The following USP8 variants were observed in gnomAD, a reference collection of about 807,000 sequenced individuals.
USP8 encodes the protein ubiquitin carboxyl-terminal hydrolase 8.
In USP8, 27 loss-of-function variants were observed where a neutral mutation model predicts 130.0. The observed-to-expected ratio is 0.21, with a 90% CI of 0.15 to 0.29. The LOEUF (loss-of-function observed/expected upper bound fraction) is 0.29. Ranked by LOEUF, USP8 falls within the 10% of genes least tolerant of loss-of-function variation. USP8 has a pLI of 1.00. For synonymous variants in USP8, 392 were observed against 444.1 expected (o/e 0.88, Z 1.48); for missense variants, 1,029 against 1,312.2 (o/e 0.78, Z 3.33).
chr15:50,502,761 T>C lies in USP8; in HGVS notation c.*3673T>C, dbSNP rs1292955662. 1.3e-5 allele frequency: 2 copies of C among 152,258 alleles called. No homozygotes were observed. Among genetic ancestry groups the C allele is most frequent in the Non-Finnish European group, 2.9e-5 (2 of 68,132 alleles). The allele number at this position is 152,258 out of a possible 1,614,324, so 9.4% of individuals were successfully genotyped here. A position where few individuals can be genotyped will look rare whatever the true frequency, so the allele number is the denominator to read the frequency against. ...AGTCCTCTCACTTCAGGCCCCCAAATAGCTGGGACTACAGGCATACACCAC... is the reference window on the plus strand; with the variant it reads ...AGTCCTCTCACTTCAGGCCCCCAAACAGCTGGGACTACAGGCATACACCAC... On this transcript the variant is annotated 3_prime_UTR_variant, in exon 20 of 20. Coordinates refer to ENST00000307179, the MANE Select transcript of USP8 (RefSeq NM_005154.5).
intron 16 of USP8, among the ~76,000 whole-genome samples, chr15:50,494,859 A>T (rs1031962958): frequency 6.6e-6 from 1 of 152,150 alleles, no homozygotes; most frequent in African/African-American, 2.4e-5. Flanking sequence ...TACTAAAAAT[A>T]CAAAAATTGG....
Position 50,509,669 on chromosome 15 carries a change from T to A in USP8, c.*10581T>A, listed in dbSNP as rs1388132829. 1 of 151,230 alleles carries A rather than the reference T, an allele frequency of 6.6e-6. No homozygotes were observed. The highest frequency in any genetic ancestry group is 1.9e-4 in the East Asian group (1 of 5,170). 9.4% of individuals were successfully genotyped at this position (151,230 alleles called of 1,614,324 possible). A position where few individuals can be genotyped will look rare whatever the true frequency, so the allele number is the denominator to read the frequency against. On this transcript the variant is annotated 3_prime_UTR_variant, in exon 20 of 20. Coordinates refer to ENST00000307179, the MANE Select transcript of USP8 (RefSeq NM_005154.5). ...TCTCAAAAAATAAAATAAAATAAAA[T>A]AAAATAAAAAAGAGACAAGTCAACG...
intron 15 of USP8, 170 bp downstream of exon 15, chr15:50,493,083 C>T (rs781719602): frequency 1.3e-5 from 10 of 754,226 alleles, no homozygotes; most frequent in Non-Finnish European, 1.8e-5. Flanking sequence ...AGGCCATCGT[C>T]TAGGTGCCGG....
chr15:50,511,704 T>A lies in USP8; in HGVS notation c.*12616T>A, dbSNP rs969973964. 6.6e-6 allele frequency: 1 copy of A among 152,234 alleles called. No individual in the cohort carries two copies. Among genetic ancestry groups the A allele is most frequent in the African/African-American group, 2.4e-5 (1 of 41,464 alleles). The allele number at this position is 152,234 out of a possible 1,614,324, so 9.4% of individuals were successfully genotyped here. ...TATTCTATGATTCTGTTTATTAAAA[T>A]ACCCAGAATAGGCCAGGCACTGTGG... On this transcript the variant is annotated 3_prime_UTR_variant, in exon 20 of 20. Transcript: ENST00000307179.
At chr15:50,426,049 A>G (rs994279750) in intron 1 of USP8, among the ~76,000 whole-genome samples, 2 of 152,206 alleles carry the variant, frequency 1.3e-5, no homozygotes, top group Non-Finnish European at 2.9e-5. Flanking sequence ...TGAACCTGGA[A>G]AGCGAAGGTT....
intron 8 of USP8, among the ~76,000 whole-genome samples, chr15:50,476,553 A>G (rs2051573699): frequency 6.6e-6 from 1 of 152,234 alleles, no homozygotes; most frequent in African/African-American, 2.4e-5. Context: ...TATAAGAGTA[A>G]ACTCCAGAAT....
intron 10 of USP8, 24 bp from the exon 11 acceptor site, chr15:50,481,457 T>C: frequency 6.8e-7 from 1 of 1,476,536 alleles, no homozygotes; most frequent in Admixed American, 2.6e-5. Flanking sequence ...ACAAAAATGT[T>C]TTGCTCTGGT....
chr15:50,512,220 C>G lies in USP8; in HGVS notation c.*13132C>G, dbSNP rs1214043867. On this transcript the variant is annotated 3_prime_UTR_variant, in exon 20 of 20. Coordinates refer to ENST00000307179, the MANE Select transcript of USP8 (RefSeq NM_005154.5). Reference sequence around the variant, plus strand: ...AAATACACCTGTAGTCCCAGCTACTCGGGAGGCTGAGTTACGAGAATCCCT... The same window carrying G: ...AAATACACCTGTAGTCCCAGCTACTGGGGAGGCTGAGTTACGAGAATCCCT... 1.3e-5 allele frequency: 2 copies of G among 151,014 alleles called. No homozygotes were observed. Among genetic ancestry groups the G allele is most frequent in the Admixed American group, 1.3e-4 (2 of 15,100 alleles). The allele number at this position is 151,014 out of a possible 1,614,324, so 9.4% of individuals were successfully genotyped here.
rs1018147827 is a variant in USP8, at chr15:50,461,847, G to T, written c.499-433G>T. On this transcript the variant is annotated intron_variant, in intron 5 of 19. Coordinates refer to ENST00000307179, the MANE Select transcript of USP8 (RefSeq NM_005154.5). ...CAGCCTGGCCACGGAGCAAGACTCC[G>T]TCTCAAAAAAAAAAAAAAAATGTAA... Among the ~76,000 whole-genome samples the T allele has an allele frequency of 3.1e-4, 40 of 130,974 alleles. 1 individual carries two copies. Among genetic ancestry groups the T allele is most frequent in the Non-Finnish European group, 5.6e-4 (35 of 62,622 alleles). The allele number at this position is 130,974 out of a possible 152,430, so 85.9% of individuals were successfully genotyped here.
In USP8 at chr15:50,496,053, C is replaced by A; in HGVS notation, c.2864C>A (p.Pro955Gln). The A allele has an allele frequency of 6.2e-7, 1 of 1,612,976 alleles. No individual in the cohort carries two copies. Residue 955 changes from proline (P) to glutamine (Q), a missense_variant, in exon 17 of 20, where the codon CCA (proline) becomes CAA (glutamine). By Grantham distance (76) the Pro-to-Gln change is moderately conservative (BLOSUM62 -1). Around this residue, in one of 4 missense-constraint regions of USP8, gnomAD observed 257 missense variants for 429.8 expected, o/e 0.60. Coordinates refer to ENST00000307179, the MANE Select transcript of USP8 (RefSeq NM_005154.5). ...TFEAFMYLSLPLASTSKCTLQ... is the reference protein window; with the variant it reads ...TFEAFMYLSLQLASTSKCTLQ... ...GAGGCCTTCATGTATTTGTCTCTAC[C>A]ACTAGCATCCACAAGTAAATGTACA...
Position 50,500,165 on chromosome 15 carries a change from G to C in USP8, c.*1077G>C, listed in dbSNP as rs889218198. On this transcript the variant is annotated 3_prime_UTR_variant, in exon 20 of 20. Transcript: ENST00000307179. ...CTCTCAGGGAGAAGATGAAAGGATG[G>C]GGTTCAAATTGTGAAGCTGACAACT... 6.6e-6 allele frequency: 1 copy of C among 152,098 alleles called. No homozygotes were observed. The highest frequency in any genetic ancestry group is 1.5e-5 in the Non-Finnish European group (1 of 68,040). The allele number at this position is 152,098 out of a possible 1,614,324, so 9.4% of individuals were successfully genotyped here. A position where few individuals can be genotyped will look rare whatever the true frequency, so the allele number is the denominator to read the frequency against.
Position 50,501,119 on chromosome 15 carries a change from A to T in USP8, c.*2031A>T. ...GTTTATCAGTGAACATTTAGTTAGCACTTAATATACATCAACTATTAAGCA... is the reference window on the plus strand; with the variant it reads ...GTTTATCAGTGAACATTTAGTTAGCTCTTAATATACATCAACTATTAAGCA... On this transcript the variant is annotated 3_prime_UTR_variant, in exon 20 of 20. Transcript: ENST00000307179. 3.0e-6 allele frequency: 1 copy of T among 332,242 alleles called. No homozygotes were observed. Among genetic ancestry groups the T allele is most frequent in the Non-Finnish European group, 5.8e-6 (1 of 172,188 alleles). 20.6% of individuals were successfully genotyped at this position (332,242 alleles called of 1,614,324 possible). A position where few individuals can be genotyped will look rare whatever the true frequency, so the allele number is the denominator to read the frequency against.
chr15:50,433,682 T>C (rs955354982), intron 1 of USP8, among the ~76,000 whole-genome samples: 4 of 152,196 alleles, frequency 2.6e-5, no homozygotes, highest in Admixed American at 6.6e-5. Context: ...CTCAGCTCAC[T>C]GCAAGCTCCA....
chr15:50,434,243 C>T, intron 1 of USP8, among the ~76,000 whole-genome samples: 1 of 151,886 alleles, frequency 6.6e-6, no homozygotes, highest in East Asian at 1.9e-4. Flanking sequence ...GCTGGGATTA[C>T]AGGTGTGCGC....
At chr15:50,481,394 A>G (rs1336633436) in intron 10 of USP8, 87 bp from the exon 11 acceptor site, 4 of 988,886 alleles carry the variant, frequency 4.0e-6, no homozygotes, top group Non-Finnish European at 5.6e-6. Context: ...ACAAAGTGAC[A>G]CTTCTTTTAT....
At position 50,499,102 on chromosome 15, in the gene USP8, A is replaced by ATAAAC. The variant is rs1566896072; in HGVS notation, c.*17_*21dup. The ATAAAC allele has an allele frequency of 6.4e-7, 1 of 1,572,368 alleles. No individual in the cohort carries two copies. Among genetic ancestry groups the ATAAAC allele is most frequent in the East Asian group, 2.3e-5 (1 of 44,332 alleles). The stretch of plus-strand genomic sequence containing the variant: ...GTAGCCACATAAGGAGACATAGGTT[A>ATAAAC]TAAACTAGTTATCTTTTAAAAGGCT... On this transcript the variant is annotated 3_prime_UTR_variant, in exon 20 of 20. Coordinates refer to ENST00000307179, the MANE Select transcript of USP8 (RefSeq NM_005154.5).
intron 7 of USP8, among the ~76,000 whole-genome samples, chr15:50,471,197 A>C (rs3131565): frequency 0.22 from 33,498 of 152,130 alleles, 4,043 homozygotes; most frequent in East Asian, 0.47. Flanking sequence ...TAAATGCTAT[A>C]TGTGTTTGTT....
intron 10 of USP8, among the ~76,000 whole-genome samples, chr15:50,478,009 ATAAT>A (rs1327973102): frequency 6.6e-6 from 1 of 152,194 alleles, no homozygotes; most frequent in African/African-American, 2.4e-5. Context: ...ATTAGAGTAG[ATAAT>A]TAAGGGGTTT....
chr15:50,489,565 T>C (rs559956462), intron 12 of USP8: 2 of 181,844 alleles, frequency 1.1e-5, no homozygotes, highest in East Asian at 1.3e-4. Context: ...TGCCACCTGC[T>C]ATCATTACAG....
Sources: gnomAD v4.1 joint callset for allele counts (sites outside exome capture counted in the v4.1 genomes callset) on GRCh38, gnomAD v4.1.1 for gene constraint, gnomAD v4.1.1 regional missense constraint, MANE v1.5 for transcripts, NCBI Gene and HGNC (gene_info 2026-07-23, HGNC 2026-07-21) for gene names.